DPYSL5: variants seen among roughly 807,000 people sequenced by gnomAD.
The protein encoded by DPYSL5 is dihydropyrimidinase-related protein 5.
Under a neutral mutation model 58.4 loss-of-function variants are expected in DPYSL5, and 9 were observed. The observed-to-expected ratio is 0.15, with a 90% confidence interval of 0.09 to 0.27. The LOEUF is 0.27. DPYSL5 is among the 10% of genes least tolerant of loss of function. DPYSL5 has a pLI of 1.00. For synonymous variants in DPYSL5, 293 were observed against 301.9 expected (o/e 0.97, Z 0.31); for missense variants, 499 against 770.6 (o/e 0.65, Z 4.17).
At chr2:26,914,246 C>T (rs1664509342) in intron 2 of DPYSL5, among the ~76,000 whole-genome samples, 1 of 152,250 alleles carries the variant, frequency 6.6e-6, no homozygotes, top group Non-Finnish European at 1.5e-5. Flanking sequence ...GAGTACCTCG[C>T]TGCGCTGATG....
chr2:26,940,059 C>T lies in DPYSL5; in HGVS notation c.976C>T (p.His326Tyr), dbSNP rs1665276299. Residue 326 changes from histidine (H) to tyrosine (Y), a missense_variant, in exon 9 of 13, where the codon CAC becomes TAC. By Grantham distance (83) the His-to-Tyr change is moderately conservative. Around this residue, in one of 3 missense-constraint regions of DPYSL5, gnomAD observed 404 missense variants for 647.6 expected, o/e 0.62. Transcript: ENST00000288699. ...NDTLNIVASD[H>Y]RPFTTKQKAM... ...CACTCTGAACATCGTGGCATCAGATCACCGGCCTTTCACCACAAAGCAGAA... is the reference window on the plus strand; with the variant it reads ...CACTCTGAACATCGTGGCATCAGATTACCGGCCTTTCACCACAAAGCAGAA... 6.2e-7 allele frequency: 1 copy of T among 1,614,094 alleles called. No homozygotes were observed. The highest frequency in any genetic ancestry group is 1.3e-5 in the African/African-American group (1 of 74,940).
chr2:26,936,917 G>A (rs2148171166), intron 8 of DPYSL5, among the ~76,000 whole-genome samples: 1 of 118,678 alleles, frequency 8.4e-6, no homozygotes, highest in East Asian at 2.8e-4. Flanking sequence ...CTGCACTCCA[G>A]CGTGGGCAAC....
chr2:26,927,271 A>G lies in DPYSL5; in HGVS notation c.439A>G (p.Thr147Ala). ...TCTCCAGGTGAAAGCAGAAATGGAG[A>G]CACTGGTGAGGGAGAAGGGTGTCAA... is the stretch of plus-strand genomic sequence containing the variant. Reference protein sequence around the residue: ...WAPKVKAEMETLVREKGVNSF... With the variant: ...WAPKVKAEMEALVREKGVNSF... Residue 147 changes from threonine to alanine, a missense_variant, in exon 4 of 13, where the codon ACA (threonine) becomes GCA (alanine). Physicochemically the swap from Thr to Ala is moderately conservative, Grantham distance 58. Transcript: ENST00000288699. The surrounding 1 kb of genome is among the most constrained non-coding windows in gnomAD (Gnocchi z 4.3). 1 of 1,613,858 alleles carries G rather than the reference A, an allele frequency of 6.2e-7. No individual in the cohort carries two copies. Among genetic ancestry groups the G allele is most frequent in the Non-Finnish European group, 8.5e-7 (1 of 1,179,890 alleles).
intron 2 of DPYSL5, among the ~76,000 whole-genome samples, chr2:26,904,048 G>T (rs534086535): frequency 6.6e-6 from 1 of 152,168 alleles, no homozygotes; most frequent in Admixed American, 6.5e-5. Flanking sequence ...GTCAACCTGT[G>T]GGGGAAGCCA....
chr2:26,909,352 A>G (rs1027809479), intron 2 of DPYSL5, among the ~76,000 whole-genome samples: 2 of 152,248 alleles, frequency 1.3e-5, no homozygotes, highest in Admixed American at 1.3e-4. Context: ...CACACACACA[A>G]TTTTAGAGCT....
chr2:26,874,665 C>G (rs1663365881), intron 1 of DPYSL5, among the ~76,000 whole-genome samples: 1 of 152,246 alleles, frequency 6.6e-6, no homozygotes, highest in South Asian at 2.1e-4. Context: ...CAGGAGGTGT[C>G]TGACTTCATG....
At chr2:26,931,193 G>GTATATATA (rs1664971926) in intron 5 of DPYSL5, among the ~76,000 whole-genome samples, 2 of 55,742 alleles carry the variant, frequency 3.6e-5, no homozygotes, top group African/African-American at 1.2e-4. Context: ...GTGTGTGTGT[G>GTATATATA]TGTGTGTGTG....
At chr2:26,876,293 A>C (rs1262278448) in intron 1 of DPYSL5, among the ~76,000 whole-genome samples, 1 of 152,146 alleles carries the variant, frequency 6.6e-6, no homozygotes, top group Non-Finnish European at 1.5e-5. Context: ...TAGCCCCATC[A>C]CTTGCACTCT....
intron 1 of DPYSL5, among the ~76,000 whole-genome samples, chr2:26,888,134 C>T (rs1375472368): frequency 1.3e-5 from 2 of 152,192 alleles, no homozygotes; most frequent in Non-Finnish European, 2.9e-5. Context: ...ACTTAATAGT[C>T]TATGCAGCTC....
intron 1 of DPYSL5, among the ~76,000 whole-genome samples, chr2:26,874,030 T>TA (rs1415527041): frequency 1.3e-5 from 2 of 152,236 alleles, no homozygotes; most frequent in African/African-American, 4.8e-5. Context: ...GCATTTTTTT[T>TA]ATGTGCTTAT....
intron 1 of DPYSL5, among the ~76,000 whole-genome samples, chr2:26,852,645 G>C (rs1279540632): frequency 6.6e-6 from 1 of 152,134 alleles, no homozygotes; most frequent in African/African-American, 2.4e-5. Context: ...TGTACAGGAG[G>C]GAGAGCCAGA....
chr2:26,870,304 C>T (rs1663228257), intron 1 of DPYSL5, among the ~76,000 whole-genome samples: 1 of 152,034 alleles, frequency 6.6e-6, no homozygotes, highest in South Asian at 2.1e-4. Flanking sequence ...ATGTCTTCAA[C>T]TTTTATTTAT....
rs143516892 is a variant in DPYSL5 at position 26,867,155 on chromosome 2, A to G, written c.-5+18901A>G. ...GTTTACCCTATACACATCAATGTATATAAATATATGTACATAGGTAAATAT... is the reference window on the plus strand; with the variant it reads ...GTTTACCCTATACACATCAATGTATGTAAATATATGTACATAGGTAAATAT... On this transcript the variant is annotated intron_variant, in intron 1 of 12. Coordinates refer to ENST00000288699, the MANE Select transcript of DPYSL5 (RefSeq NM_020134.4). Among the ~76,000 whole-genome samples, 721 of 152,336 alleles carry G rather than the reference A, an allele frequency of 4.7e-3. 5 individuals carry two copies. The highest frequency in any genetic ancestry group is 7.8e-3 in the Non-Finnish European group (532 of 68,022).
At chr2:26,932,514 C>T (rs1223765631) in intron 6 of DPYSL5, among the ~76,000 whole-genome samples, 1 of 152,246 alleles carries the variant, frequency 6.6e-6, no homozygotes, top group African/African-American at 2.4e-5. Context: ...CCCAATTGCA[C>T]TTTAGAGCTC....
In DPYSL5 at chr2:26,871,815, T is replaced by A. The variant is rs1016421523; in HGVS notation, c.-5+23561T>A. On this transcript the variant is annotated intron_variant, in intron 1 of 12. Coordinates refer to ENST00000288699, the MANE Select transcript of DPYSL5 (RefSeq NM_020134.4). ...CTTGAAGTTTTGAAATTTACTTAAA[T>A]TTATTTTACTTAAATTTTTGAAAGA... 2.0e-5 allele frequency among the ~76,000 whole-genome samples: 3 copies of A among 152,190 alleles called. No individual in the cohort carries two copies. The South Asian group carries it at 6.2e-4, about 31-fold the overall frequency.
chr2:26,904,164 C>T (rs1436143754), intron 2 of DPYSL5, among the ~76,000 whole-genome samples: 1 of 152,194 alleles, frequency 6.6e-6, no homozygotes, highest in African/African-American at 2.4e-5. Flanking sequence ...GGATCCTGCC[C>T]CTCCCTGCCC....
chr2:26,946,544 T>C (rs2148180561), intron 12 of DPYSL5, among the ~76,000 whole-genome samples: 1 of 152,328 alleles, frequency 6.6e-6, no homozygotes, highest in East Asian at 1.9e-4. Context: ...CATTTTTCTC[T>C]CTCGCTTACT....
chr2:26,873,584 T>C (rs1320392460), intron 1 of DPYSL5, among the ~76,000 whole-genome samples: 4 of 152,158 alleles, frequency 2.6e-5, no homozygotes, highest in African/African-American at 7.2e-5. Flanking sequence ...AGTGCCAAGA[T>C]TGAGGAACCC....
intron 1 of DPYSL5, among the ~76,000 whole-genome samples, chr2:26,858,222 A>G (rs1356669405): frequency 7.6e-6 from 1 of 130,890 alleles, no homozygotes; most frequent in Non-Finnish European, 1.6e-5. Flanking sequence ...CCCAGGCTGG[A>G]GTGCAGAGGC....
Sources: allele counts gnomAD v4.1 joint callset (sites outside exome capture counted in the v4.1 genomes callset), GRCh38; gene constraint gnomAD v4.1.1; regional missense constraint gnomAD v4.1.1; non-coding constraint Gnocchi (gnomAD v3.1); transcripts MANE v1.5; gene names NCBI Gene and HGNC (gene_info 2026-07-23, HGNC 2026-07-21).